Variants in CENPE observed in about 807,000 individuals in gnomAD.
CENPE encodes the protein centromere-associated protein E.
A neutral mutation model predicts 336.1 loss-of-function variants in CENPE; 145 were observed. The observed-to-expected ratio is 0.43, with a 90% confidence interval of 0.38 to 0.50. The LOEUF is 0.50. Ranked by LOEUF, CENPE falls within the 20% of genes least tolerant of loss-of-function variation. CENPE has a pLI of 0.00. For missense variants in CENPE, 2,719 were observed against 3,023.3 expected (o/e 0.90, Z 2.36); for synonymous variants, 1,013 against 984.8 (o/e 1.03, Z -0.54).
rs141957526 is a variant in CENPE, at chr4:103,108,939, T to C, written c.7875A>G (p.Gln2625=). ...ASKKKQITPS[Q]CKERNLQDPV... is the part of the protein sequence containing the mutation. ...GATCTTGTAAATTCCGTTCCTTGCA[T>C]TGAGAGGGTGTAATTTGTTTCTTTT... The change falls in exon 48 of 49, where the codon CAA becomes CAG. Residue 2625 remains glutamine (Q), a synonymous_variant. Transcript: ENST00000265148. 16 of 1,613,818 alleles carry C rather than the reference T, an allele frequency of 9.9e-6. No homozygotes were observed. Among genetic ancestry groups the C allele is most frequent in the South Asian group, 5.5e-5 (5 of 91,084 alleles).
intron 16 of CENPE, among the ~76,000 whole-genome samples, chr4:103,168,667 G>A (rs1755132887): frequency 6.6e-6 from 1 of 152,196 alleles, no homozygotes; most frequent in Admixed American, 6.5e-5. Context: ...CCCTGTGGCA[G>A]GTTTTGCAAC....
intron 43 of CENPE, 37 bp from the exon 44 acceptor site, chr4:103,120,370 C>G (rs1350973545): frequency 3.3e-6 from 5 of 1,515,206 alleles, no homozygotes; most frequent in Non-Finnish European, 4.5e-6. Context: ...GCTCTATCAT[C>G]AAGACAGAAT....
chr4:103,153,748 A>G (rs542378684), intron 24 of CENPE, among the ~76,000 whole-genome samples: 23 of 152,266 alleles, frequency 1.5e-4, no homozygotes, highest in South Asian at 1.2e-3. Flanking sequence ...CGAGTAAGCA[A>G]TCTTGAACTC....
rs773063660 is a variant in CENPE, at chr4:103,111,006, A to T, written c.7546T>A (p.Ser2516Thr). The part of the protein sequence containing the change: ...SQQAQDTSVI[S>T]EHTDPQPSNK... ...GAAGGCTGAGGATCAGTATGTTCTG[A>T]TATCACTGTGGGAGGAAAATATACA... is the stretch of plus-strand genomic sequence containing the variant. Residue 2516 changes from serine to threonine, a missense_variant, in exon 47 of 49, where the codon TCA becomes ACA. Transcript: ENST00000265148. The T allele has an allele frequency of 1.3e-6, 2 of 1,572,830 alleles. No individual in the cohort carries two copies. Among genetic ancestry groups the T allele is most frequent in the Non-Finnish European group, 1.7e-6 (2 of 1,163,886 alleles).
chr4:103,191,599 G>A (rs1478236337), intron 8 of CENPE, among the ~76,000 whole-genome samples: 2 of 141,524 alleles, frequency 1.4e-5, no homozygotes, highest in Non-Finnish European at 3.1e-5. Context: ...ACTGAACAAT[G>A]AGAACACGTG....
intron 9 of CENPE, among the ~76,000 whole-genome samples, chr4:103,185,162 G>A (rs1203346461): frequency 6.6e-6 from 1 of 152,058 alleles, no homozygotes; most frequent in Admixed American, 6.6e-5. Flanking sequence ...AAAATTAGCT[G>A]GGCGTGATGG....
In CENPE at chr4:103,109,059, T is replaced by A. The variant is rs775690005; in HGVS notation, c.7755A>T (p.Lys2585Asn). The change falls in exon 48 of 49, where the codon AAA becomes AAT. Residue 2585 changes from lysine to asparagine, a missense_variant. Lys to Asn is a moderately conservative substitution (Grantham distance 94). Around this residue, in one of 5 missense-constraint regions of CENPE, gnomAD observed 2,437 missense variants for 2,513.3 expected, o/e 0.97. Coordinates refer to ENST00000265148, the MANE Select transcript of CENPE (RefSeq NM_001813.3). ...SNNQHLSNEVKTWKERTLKRE... is the reference protein window; with the variant it reads ...SNNQHLSNEVNTWKERTLKRE... The stretch of plus-strand genomic sequence containing the variant: ...TTTTAAGGGTTCTTTCCTTCCAAGT[T>A]TTGACCTCATTGGAAAGATGCTGAT... 5 of 1,612,104 alleles carry A rather than the reference T, an allele frequency of 3.1e-6. No individual in the cohort carries two copies. Among genetic ancestry groups the A allele is most frequent in the Non-Finnish European group, 4.2e-6 (5 of 1,179,434 alleles).
intron 44 of CENPE, among the ~76,000 whole-genome samples, chr4:103,118,069 T>G (rs1382217767): frequency 6.6e-6 from 1 of 152,214 alleles, no homozygotes; most frequent in South Asian, 2.1e-4. Flanking sequence ...TGCACATATA[T>G]TCTCAGCTCA....
rs557723577 is a variant in CENPE, at chr4:103,184,151, C to A, written c.746-863G>T. On this transcript the variant is annotated intron_variant, in intron 9 of 48. Coordinates refer to ENST00000265148, the MANE Select transcript of CENPE (RefSeq NM_001813.3). ...CTATTGCTTTAACATTACTACCTAA[C>A]CAACCGGCTAAAACAAGCATTTATT... 4.0e-4 allele frequency among the ~76,000 whole-genome samples: 61 copies of A among 152,206 alleles called. 1 individual carries two copies. The highest frequency in any genetic ancestry group is 7.3e-5 in the Non-Finnish European group (5 of 68,040).
intron 11 of CENPE, 84 bp downstream of exon 11, chr4:103,182,678 A>C: frequency 4.2e-6 from 5 of 1,184,476 alleles, no homozygotes; most frequent in Non-Finnish European, 5.8e-6. Flanking sequence ...AATTAAAAAA[A>C]ACTATGCTTA....
intron 1 of CENPE, 76 bp from the exon 2 acceptor site, chr4:103,196,926 C>CCCTCTCCCTCTCCCTCTCCCTCTCCCT: frequency 1.4e-6 from 1 of 725,606 alleles, no homozygotes. Flanking sequence ...AAAGATTTCA[C>CCCTCTCCCTCTCCCTCTCCCTCTCCCT]CTGCTAAAGA....
At chr4:103,157,172 A>G (rs545218263) in intron 24 of CENPE, among the ~76,000 whole-genome samples, 1 of 152,148 alleles carries the variant, frequency 6.6e-6, no homozygotes, top group South Asian at 2.1e-4. Context: ...TATGGAAAAC[A>G]TTATGGTGCT....
chr4:103,194,050 T>A, intron 8 of CENPE, among the ~76,000 whole-genome samples, 179 bp downstream of exon 8: 1 of 152,040 alleles, frequency 6.6e-6, no homozygotes, highest in East Asian at 1.9e-4. Flanking sequence ...ATCCTCTGAA[T>A]TTTTCCTACG....
At chr4:103,133,601 G>A in intron 41 of CENPE, 94 bp downstream of exon 41, 5 of 834,200 alleles carry the variant, frequency 6.0e-6, no homozygotes, top group Non-Finnish European at 9.5e-6. Context: ...TTAATTTCTG[G>A]TAAATGAAAA....
chr4:103,178,888 C>CA (rs1300875438), intron 13 of CENPE, among the ~76,000 whole-genome samples: 2 of 152,246 alleles, frequency 1.3e-5, no homozygotes, highest in African/African-American at 4.8e-5. Context: ...AACATGCAAC[C>CA]AGAACAAACT....
chr4:103,198,307 C>T lies in CENPE; in HGVS notation c.13G>A (p.Gly5Arg), dbSNP rs1019293173. 9 of 1,551,240 alleles carry T rather than the reference C, an allele frequency of 5.8e-6. No individual in the cohort carries two copies. The highest frequency in any genetic ancestry group is 7.8e-6 in the Non-Finnish European group (9 of 1,146,920). Residue 5 changes from glycine (G) to arginine (R), a missense_variant, in exon 1 of 49, where the codon GGA (glycine) becomes AGA (arginine). By Grantham distance (125) the Gly-to-Arg change is moderately radical (BLOSUM62 -2). Coordinates refer to ENST00000265148, the MANE Select transcript of CENPE (RefSeq NM_001813.3). MAEE[G>R]AVAVCVRVRP... ...ACTCGCACGCAGACGGCCACGGCTCCTTCCTCCGCCATCCTATCAGGCTGA... is the reference window on the plus strand; with the variant it reads ...ACTCGCACGCAGACGGCCACGGCTCTTTCCTCCGCCATCCTATCAGGCTGA...
chr4:103,117,718 C>G (rs568033741), intron 44 of CENPE, among the ~76,000 whole-genome samples: 2 of 150,876 alleles, frequency 1.3e-5, no homozygotes, highest in Admixed American at 1.3e-4. Context: ...ACCTTCGCCT[C>G]CCGGGTTCAA....
chr4:103,151,588 C>T (rs1753578971), intron 25 of CENPE, among the ~76,000 whole-genome samples: 1 of 152,188 alleles, frequency 6.6e-6, no homozygotes, highest in Non-Finnish European at 1.5e-5. Flanking sequence ...GCTCAATTTA[C>T]ATTCCTACCA....
In CENPE at chr4:103,147,612, G is replaced by A. The variant is rs775115442; in HGVS notation, c.3878C>T (p.Pro1293Leu). Residue 1293 changes from proline (P) to leucine (L), a missense_variant, in exon 29 of 49, where the codon CCT becomes CTT. Physicochemically the swap from Pro to Leu is moderately conservative, Grantham distance 98. Around this residue, in one of 5 missense-constraint regions of CENPE, gnomAD observed 2,437 missense variants for 2,513.3 expected, o/e 0.97. Transcript: ENST00000265148. The part of the protein sequence containing the change: ...PVLHEEQELL[P>L]NVKEVSETQE... The stretch of plus-strand genomic sequence containing the variant: ...AGTCTCACTGACTTCTTTCACATTA[G>A]GCAGTAACTCTTGTTCCTCATGAAG... 1 of 1,612,988 alleles carries A rather than the reference G, an allele frequency of 6.2e-7. No individual in the cohort carries two copies. Among genetic ancestry groups the A allele is most frequent in the Non-Finnish European group, 8.5e-7 (1 of 1,179,960 alleles).
Sources: gnomAD v4.1 joint callset for allele counts (sites outside exome capture counted in the v4.1 genomes callset) on GRCh38, gnomAD v4.1.1 for gene constraint, gnomAD v4.1.1 regional missense constraint, MANE v1.5 for transcripts, NCBI Gene and HGNC (gene_info 2026-07-23, HGNC 2026-07-21) for gene names.